Variants in GAS7 observed in about 807,000 individuals in gnomAD.
GAS7 encodes the protein growth arrest-specific protein 7.
Under a neutral mutation model 71.1 loss-of-function variants are expected in GAS7, and 28 were observed. The observed-to-expected ratio is 0.39, with a 90% CI of 0.29 to 0.54. GAS7 has a LOEUF of 0.54. Among genes scored for constraint, GAS7 ranks in the 20% least tolerant of loss-of-function variants. The pLI, the probability that GAS7 is intolerant of heterozygous loss-of-function variation, is 0.62. For missense variants in GAS7, 436 were observed against 627.8 expected (o/e 0.69, Z 3.27); for synonymous variants, 258 against 245.8 (o/e 1.05, Z -0.46).
In GAS7 at chr17:10,193,133, C is replaced by G. The variant is rs553842296; in HGVS notation, c.183+5075G>C. Reference sequence around the variant, plus strand: ...CTATGAATCATCAGCACTGAACAGCCCTGGCCTAAAAAAAGCTGGACTGGT... The same window carrying G: ...CTATGAATCATCAGCACTGAACAGCGCTGGCCTAAAAAAAGCTGGACTGGT... On this transcript the variant is annotated intron_variant, in intron 1 of 13. Transcript: ENST00000432992. Among the ~76,000 whole-genome samples, 4 of 152,084 alleles carry G rather than the reference C, an allele frequency of 2.6e-5. No individual in the cohort carries two copies. The East Asian group carries it at 7.7e-4, about 29-fold the overall frequency.
chr17:10,055,196 G>A (rs915468924), intron 1 of GAS7, among the ~76,000 whole-genome samples: 1 of 152,218 alleles, frequency 6.6e-6, no homozygotes, highest in African/African-American at 2.4e-5. Context: ...ATGGTGAGCA[G>A]AGAGATGCCC....
intron 1 of GAS7, among the ~76,000 whole-genome samples, chr17:10,142,496 G>GTAGC (rs1401229131): frequency 6.6e-6 from 1 of 152,078 alleles, no homozygotes; most frequent in Non-Finnish European, 1.5e-5. Flanking sequence ...AGCCTCCCGA[G>GTAGC]TAGCTGGGAC....
Position 9,912,289 on chromosome 17 carries a change from A to T in GAS7, c.*4939T>A, listed in dbSNP as rs1001962910. The T allele has an allele frequency of 8.6e-6, 2 of 232,862 alleles. No individual in the cohort carries two copies. Among genetic ancestry groups the T allele is most frequent in the Non-Finnish European group, 8.5e-6 (1 of 117,854 alleles). 14.4% of individuals were successfully genotyped at this position (232,862 alleles called of 1,614,324 possible). A position where few individuals can be genotyped will look rare whatever the true frequency, so the allele number is the denominator to read the frequency against. On this transcript the variant is annotated 3_prime_UTR_variant, in exon 14 of 14. Coordinates refer to ENST00000432992, the MANE Select transcript of GAS7 (RefSeq NM_201433.2). ...TGTGCAGATGAGAGCCAGACACAGC[A>T]TGAACACGTGTACAGGGTACATCAT...
intron 1 of GAS7, among the ~76,000 whole-genome samples, chr17:10,022,823 T>C (rs2152210437): frequency 6.6e-6 from 1 of 152,292 alleles, no homozygotes; most frequent in East Asian, 1.9e-4. Flanking sequence ...TCTCTGAGGT[T>C]TCTGTTTCCA....
intron 1 of GAS7, among the ~76,000 whole-genome samples, chr17:10,071,946 AAAAAAAAGAAAAG>A (rs1341963864): frequency 4.7e-5 from 7 of 150,536 alleles, no homozygotes; most frequent in Non-Finnish European, 7.4e-5. Flanking sequence ...CAAGAAAAAA[AAAAAAAAGAAAAG>A]AAAAAAAAGA....
chr17:10,093,573 A>AAG (rs1555532463), intron 1 of GAS7, among the ~76,000 whole-genome samples: 2 of 150,686 alleles, frequency 1.3e-5, no homozygotes, highest in Non-Finnish European at 3.0e-5. Context: ...AAAAAAAAAA[A>AAG]GCTGAAAAGC....
intron 1 of GAS7, among the ~76,000 whole-genome samples, chr17:10,145,504 C>A (rs2074114770): frequency 1.3e-5 from 2 of 152,208 alleles, no homozygotes; most frequent in Admixed American, 1.3e-4. Flanking sequence ...GGCCCTAGAA[C>A]CAGGCCCTGG....
Position 9,926,660 on chromosome 17 carries a change from C to T in GAS7, c.995G>A (p.Arg332His), listed in dbSNP as rs778868086. The change falls in exon 10 of 14, where the codon CGC becomes CAC. Residue 332 changes from arginine (R) to histidine (H), a missense_variant. Transcript: ENST00000432992. The surrounding 1 kb of genome is among the most constrained non-coding windows in gnomAD (Gnocchi z 5.0). ...TCTCACCTTCTCCACCGAGGCATAG[C>T]GGCTGGCGAGCTGCTTGCGAAGGTC... ...IADLRKQLAS[R>H]YASVEKARKA... is the part of the protein sequence containing the mutation. 4.3e-6 allele frequency: 7 copies of T among 1,613,506 alleles called. No homozygotes were observed. Among genetic ancestry groups the T allele is most frequent in the Non-Finnish European group, 1.7e-6 (2 of 1,180,016 alleles).
At chr17:10,044,539 G>A (rs11872053) in intron 1 of GAS7, among the ~76,000 whole-genome samples, 16,417 of 152,212 alleles carry the variant, frequency 0.11, 2,098 homozygotes, top group African/African-American at 0.31. Flanking sequence ...TATGTATTTT[G>A]TGGTAGTAAA....
chr17:10,184,188 C>T (rs1254767511), intron 1 of GAS7, among the ~76,000 whole-genome samples: 1 of 152,162 alleles, frequency 6.6e-6, no homozygotes, highest in East Asian at 1.9e-4. Context: ...TCTCCATCGT[C>T]CTGGTTCATA....
chr17:9,992,615 T>G (rs2070887686), intron 2 of GAS7, among the ~76,000 whole-genome samples: 1 of 151,498 alleles, frequency 6.6e-6, no homozygotes, highest in Non-Finnish European at 1.5e-5. Context: ...TAATTTATTA[T>G]TATTATACTT....
In GAS7 at chr17:9,959,047, G is replaced by T; in HGVS notation, c.525+155C>A. On this transcript the variant is annotated intron_variant, in intron 5 of 13. Coordinates refer to ENST00000432992, the MANE Select transcript of GAS7 (RefSeq NM_201433.2). The surrounding 1 kb of genome is among the most constrained non-coding windows in gnomAD (Gnocchi z 5.0). ...AGAAGGGGAGGTGGGAGGGGCATGT[G>T]GATGGGGAACTTGAGTGAAATCCGA... 1 of 1,334,326 alleles carries T rather than the reference G, an allele frequency of 7.5e-7. No homozygotes were observed. The highest frequency in any genetic ancestry group is 1.5e-5 in the South Asian group (1 of 65,262). 82.7% of individuals were successfully genotyped at this position (1,334,326 alleles called of 1,614,324 possible). A position where few individuals can be genotyped will look rare whatever the true frequency, so the allele number is the denominator to read the frequency against.
chr17:10,019,097 C>T (rs1262578058), intron 2 of GAS7, among the ~76,000 whole-genome samples: 1 of 152,126 alleles, frequency 6.6e-6, no homozygotes, highest in Non-Finnish European at 1.5e-5. Context: ...TTTTATAAAC[C>T]ATCCACAGCA....
chr17:9,974,916 C>G lies in GAS7; in HGVS notation c.386-5154G>C, dbSNP rs1218282655. Reference sequence around the variant, plus strand: ...AGGGAAAAAGTCGCATCCTCAGAGCCCTACTCTCCAGGTTCCTGTTCCCTG... The same window carrying G: ...AGGGAAAAAGTCGCATCCTCAGAGCGCTACTCTCCAGGTTCCTGTTCCCTG... On this transcript the variant is annotated intron_variant, in intron 3 of 13. Coordinates refer to ENST00000432992, the MANE Select transcript of GAS7 (RefSeq NM_201433.2). The surrounding 1 kb of genome is among the most constrained non-coding windows in gnomAD (Gnocchi z 4.0). Among the ~76,000 whole-genome samples, 1 of 152,196 alleles carries G rather than the reference C, an allele frequency of 6.6e-6. No individual in the cohort carries two copies. The highest frequency in any genetic ancestry group is 2.4e-5 in the African/African-American group (1 of 41,444).
chr17:10,156,236 C>T (rs1299257010), intron 1 of GAS7, among the ~76,000 whole-genome samples: 1 of 152,194 alleles, frequency 6.6e-6, no homozygotes, highest in East Asian at 1.9e-4. Context: ...TGGCATTCCA[C>T]CTCCTAAACC....
intron 1 of GAS7, among the ~76,000 whole-genome samples, chr17:10,088,575 T>C (rs987437061): frequency 9.2e-5 from 14 of 152,180 alleles, no homozygotes; most frequent in African/African-American, 3.4e-4. Flanking sequence ...AGCATCTTTT[T>C]ACGAGGCTCA....
chr17:10,086,223 G>C (rs1166705118), intron 1 of GAS7, among the ~76,000 whole-genome samples: 2 of 152,200 alleles, frequency 1.3e-5, no homozygotes, highest in Admixed American at 6.5e-5. Flanking sequence ...ATACATGTTC[G>C]TGTTCCCATG....
chr17:9,965,630 G>A (rs1302838255), intron 4 of GAS7, among the ~76,000 whole-genome samples: 1 of 152,210 alleles, frequency 6.6e-6, no homozygotes, highest in Non-Finnish European at 1.5e-5. Flanking sequence ...GTGTACCTAT[G>A]TAACAAACCT....
intron 1 of GAS7, among the ~76,000 whole-genome samples, chr17:10,148,673 A>G (rs2074140021): frequency 6.6e-6 from 1 of 151,238 alleles, no homozygotes; most frequent in South Asian, 2.1e-4. Flanking sequence ...GCACTCTGGG[A>G]GGCTGAGGTG....
Sources: gnomAD v4.1 joint callset for allele counts (sites outside exome capture counted in the v4.1 genomes callset) on GRCh38, gnomAD v4.1.1 for gene constraint, Gnocchi (gnomAD v3.1) non-coding constraint, MANE v1.5 for transcripts, NCBI Gene and HGNC (gene_info 2026-07-23, HGNC 2026-07-21) for gene names.